Variants in FAM210B observed in about 807,000 individuals in gnomAD.
The protein encoded by FAM210B is mitochondrial inner membrane scaffold 2.
Under a neutral mutation model 14.9 loss-of-function variants are expected in FAM210B, and 11 were observed. That is an observed-to-expected ratio of 0.74 (90% CI 0.46 to 1.22). FAM210B has a LOEUF of 1.22. FAM210B is among the 50% of genes most tolerant of loss of function. The pLI is 0.00. For synonymous variants in FAM210B, 113 were observed against 110.2 expected (o/e 1.03, Z -0.16); for missense variants, 229 against 250.1 (o/e 0.92, Z 0.57).
At position 56,359,136 on chromosome 20, in the gene FAM210B, C is replaced by T. The variant is rs1306484716; in HGVS notation, c.131C>T (p.Pro44Leu). The T allele has an allele frequency of 7.9e-6, 10 of 1,271,858 alleles. No individual in the cohort carries two copies. The highest frequency in any genetic ancestry group is 9.8e-6 in the Non-Finnish European group (10 of 1,015,752). 78.8% of individuals were successfully genotyped at this position (1,271,858 alleles called of 1,614,324 possible). A position where few individuals can be genotyped will look rare whatever the true frequency, so the allele number is the denominator to read the frequency against. Residue 44 changes from proline (P) to leucine (L), a missense_variant, in exon 1 of 3, where the codon CCC becomes CTC. Coordinates refer to ENST00000371384, the MANE Select transcript of FAM210B (RefSeq NM_080821.3). This position sits in a 1 kb window ranked among gnomAD's most constrained non-coding sequence, Gnocchi z 4.3. Reference sequence around the variant, plus strand: ...CCCCTGGCCCTGGCCCTGCTCCCGCCCAGGCTAGACGCCCGGCTGCTCCGC... The same window carrying T: ...CCCCTGGCCCTGGCCCTGCTCCCGCTCAGGCTAGACGCCCGGCTGCTCCGC... ...PPPLALALLP[P>L]RLDARLLRTA...
rs1983480034 is a variant in FAM210B, at chr20:56,359,104, C to T, written c.99C>T (p.Ala33=). The change falls in exon 1 of 3, where the codon GCC becomes GCT. Residue 33 remains alanine, a synonymous_variant. Coordinates refer to ENST00000371384, the MANE Select transcript of FAM210B (RefSeq NM_080821.3). The surrounding 1 kb of genome is among the most constrained non-coding windows in gnomAD (Gnocchi z 4.3). Reference sequence around the variant, plus strand: ...TCCTGGGCGCCACCGCCCCCTGCGCCCCGCCGCCCCTGGCCCTGGCCCTGC... The same window carrying T: ...TCCTGGGCGCCACCGCCCCCTGCGCTCCGCCGCCCCTGGCCCTGGCCCTGC... The part of the protein sequence containing the change: ...TWLLGATAPC[A]PPPLALALLP... 3.0e-6 allele frequency: 4 copies of T among 1,337,452 alleles called. 1 individual carries two copies. Among genetic ancestry groups the T allele is most frequent in the Admixed American group, 6.4e-5 (2 of 31,372 alleles). The allele number at this position is 1,337,452 out of a possible 1,614,324, so 82.8% of individuals were successfully genotyped here. A position where few individuals can be genotyped will look rare whatever the true frequency, so the allele number is the denominator to read the frequency against.
intron 1 of FAM210B, chr20:56,360,116 G>C (rs564313375): frequency 8.8e-5 from 40 of 454,136 alleles, no homozygotes; most frequent in Non-Finnish European, 1.5e-4. Flanking sequence ...AGGAGCGGAT[G>C]GGGATTGGAC....
intron 2 of FAM210B, 95 bp from the exon 3 acceptor site, chr20:56,365,976 A>C: frequency 1.2e-6 from 1 of 844,104 alleles, no homozygotes; most frequent in Non-Finnish European, 1.7e-6. Flanking sequence ...CTACTTCATT[A>C]CATTTTTTAA....
At chr20:56,365,056 A>C (rs1215060529) in intron 1 of FAM210B, 31 bp from the exon 2 acceptor site, 1 of 1,596,016 alleles carries the variant, frequency 6.3e-7, no homozygotes, top group Non-Finnish European at 8.5e-7. Flanking sequence ...GCCTGCCCTA[A>C]AGCACCTCCT....
intron 1 of FAM210B, chr20:56,360,069 A>C (rs1192347190): frequency 2.5e-6 from 1 of 397,548 alleles, no homozygotes. Context: ...CCGCCGGCCC[A>C]GCGAACATCT....
chr20:56,359,234 T>TC lies in FAM210B; in HGVS notation c.186+47dup, dbSNP rs1243504017. ...ACCCTGATCCCGGGCGGTGTCCAGG[T>TC]CCCCAGACGTCCGCAGGGCCGCGCC... On this transcript the variant is annotated intron_variant, in intron 1 of 2. Coordinates refer to ENST00000371384, the MANE Select transcript of FAM210B (RefSeq NM_080821.3). This position sits in a 1 kb window ranked among gnomAD's most constrained non-coding sequence, Gnocchi z 4.3. 1 of 1,218,524 alleles carries TC rather than the reference T, an allele frequency of 8.2e-7. No individual in the cohort carries two copies. Among genetic ancestry groups the TC allele is most frequent in the Non-Finnish European group, 1.0e-6 (1 of 980,118 alleles). 75.5% of individuals were successfully genotyped at this position (1,218,524 alleles called of 1,614,324 possible).
At chr20:56,364,276 C>T (rs1258842960) in intron 1 of FAM210B, among the ~76,000 whole-genome samples, 11 of 152,168 alleles carry the variant, frequency 7.2e-5, no homozygotes, top group South Asian at 4.1e-4. Context: ...TCTAGGGGCT[C>T]GAATCCATGT....
intron 1 of FAM210B, among the ~76,000 whole-genome samples, chr20:56,360,899 C>G (rs1983518063): frequency 6.6e-6 from 1 of 152,212 alleles, no homozygotes; most frequent in Non-Finnish European, 1.5e-5. Flanking sequence ...CCTCCCCTGT[C>G]GTCTGTTCTG....
chr20:56,361,199 C>A (rs1983524908), intron 1 of FAM210B, among the ~76,000 whole-genome samples: 1 of 152,160 alleles, frequency 6.6e-6, no homozygotes, highest in Non-Finnish European at 1.5e-5. Flanking sequence ...GTCCTTTTGT[C>A]TCCGTCAGTT....
Position 56,366,517 on chromosome 20 carries a change from A to C in FAM210B, c.*230A>C. ...TTATAGGGCTTGTATATATAATCTA[A>C]AATGTCAGCAAGGCATCGGAGATGG... On this transcript the variant is annotated 3_prime_UTR_variant, in exon 3 of 3. Coordinates refer to ENST00000371384, the MANE Select transcript of FAM210B (RefSeq NM_080821.3). The C allele has an allele frequency of 2.1e-6, 1 of 484,524 alleles. No individual in the cohort carries two copies. Among genetic ancestry groups the C allele is most frequent in the Non-Finnish European group, 3.6e-6 (1 of 274,240 alleles). The allele number at this position is 484,524 out of a possible 1,614,324, so 30.0% of individuals were successfully genotyped here. A position where few individuals can be genotyped will look rare whatever the true frequency, so the allele number is the denominator to read the frequency against.
Position 56,367,932 on chromosome 20 carries a change from T to C in FAM210B, c.*1645T>C, listed in dbSNP as rs1227866427. The C allele has an allele frequency of 6.6e-6, 1 of 152,212 alleles. No homozygotes were observed. The highest frequency in any genetic ancestry group is 1.5e-5 in the Non-Finnish European group (1 of 68,036). The allele number at this position is 152,212 out of a possible 1,614,324, so 9.4% of individuals were successfully genotyped here. On this transcript the variant is annotated 3_prime_UTR_variant, in exon 3 of 3. Coordinates refer to ENST00000371384, the MANE Select transcript of FAM210B (RefSeq NM_080821.3). Reference sequence around the variant, plus strand: ...CTAAATAAAATTACATTTGTGACCATCAGAGAACTGAATAAACCATTAACT... The same window carrying C: ...CTAAATAAAATTACATTTGTGACCACCAGAGAACTGAATAAACCATTAACT...
rs1983640375 is a variant in FAM210B at position 56,366,560 on chromosome 20, A to G, written c.*273A>G. ...GGAGATGGGTTAACATCTCAAAACA[A>G]AATAGCCTACAAATGTTCCTTGTGG... On this transcript the variant is annotated 3_prime_UTR_variant, in exon 3 of 3. Coordinates refer to ENST00000371384, the MANE Select transcript of FAM210B (RefSeq NM_080821.3). 3 of 349,738 alleles carry G rather than the reference A, an allele frequency of 8.6e-6. No individual in the cohort carries two copies. Among genetic ancestry groups the G allele is most frequent in the Middle Eastern group, 8.6e-4 (1 of 1,162 alleles). 21.7% of individuals were successfully genotyped at this position (349,738 alleles called of 1,614,324 possible).
At position 56,359,111 on chromosome 20, in the gene FAM210B, CCCCTGG is replaced by C. The variant is rs1427934451; in HGVS notation, c.118_123del (p.Ala40_Leu41del). 4.5e-6 allele frequency: 6 copies of C among 1,331,236 alleles called. No homozygotes were observed. Among genetic ancestry groups the C allele is most frequent in the South Asian group, 3.8e-5 (2 of 52,300 alleles). 82.5% of individuals were successfully genotyped at this position (1,331,236 alleles called of 1,614,324 possible). On this transcript the variant is annotated inframe_deletion, in exon 1 of 3. Coordinates refer to ENST00000371384, the MANE Select transcript of FAM210B (RefSeq NM_080821.3). This position sits in a 1 kb window ranked among gnomAD's most constrained non-coding sequence, Gnocchi z 4.3. ...CGCCACCGCCCCCTGCGCCCCGCCG[CCCCTGG>C]CCCTGGCCCTGCTCCCGCCCAGGCT...
At chr20:56,365,561 A>C (rs967714804) in intron 2 of FAM210B, among the ~76,000 whole-genome samples, 13 of 152,120 alleles carry the variant, frequency 8.5e-5, no homozygotes, top group African/African-American at 2.7e-4. Context: ...ACTGGAGTGC[A>C]GTGGCGTGAT....
At chr20:56,361,803 C>G (rs113630660) in intron 1 of FAM210B, among the ~76,000 whole-genome samples, 3 of 152,084 alleles carry the variant, frequency 2.0e-5, no homozygotes, top group Admixed American at 6.5e-5. Flanking sequence ...ATAATGAAGC[C>G]CCGTCTCTAC....
At chr20:56,360,453 C>A (rs764931430) in intron 1 of FAM210B, 2 of 342,048 alleles carry the variant, frequency 5.8e-6, no homozygotes, top group South Asian at 4.3e-5. Context: ...GGCACTGGAG[C>A]GGTGTGTGTG....
At chr20:56,360,235 C>T (rs1447148825) in intron 1 of FAM210B, 1 of 470,622 alleles carries the variant, frequency 2.1e-6, no homozygotes, top group East Asian at 6.9e-5. Context: ...GCACCTTCTG[C>T]ACACACCGTG....
chr20:56,364,705 A>G (rs980543266), intron 1 of FAM210B, among the ~76,000 whole-genome samples: 8 of 152,196 alleles, frequency 5.3e-5, no homozygotes. Flanking sequence ...CTGTAATCCT[A>G]GCACTTTGGG....
chr20:56,360,584 T>C, intron 1 of FAM210B: 1 of 203,136 alleles, frequency 4.9e-6, no homozygotes, highest in Non-Finnish European at 1.0e-5. Context: ...AATGGGACGT[T>C]AATAATTCAG....
Sources: gnomAD v4.1 joint callset for allele counts (sites outside exome capture counted in the v4.1 genomes callset) on GRCh38, gnomAD v4.1.1 for gene constraint, Gnocchi (gnomAD v3.1) non-coding constraint, MANE v1.5 for transcripts, NCBI Gene and HGNC (gene_info 2026-07-23, HGNC 2026-07-21) for gene names.